The following SEL1L3 variants were observed in gnomAD, a reference collection of about 807,000 sequenced individuals.
SEL1L3 encodes the protein SEL1L family member 3, also known as protein sel-1 homolog 3.
In SEL1L3, 76 loss-of-function variants were observed where a neutral mutation model predicts 142.8. That is an observed-to-expected ratio of 0.53 (90% CI 0.44 to 0.64). The LOEUF (loss-of-function observed/expected upper bound fraction) is 0.64. SEL1L3 is among the 30% of genes least tolerant of loss of function. The pLI, the probability that SEL1L3 is intolerant of heterozygous loss-of-function variation, is 0.00. For synonymous variants in SEL1L3, 504 were observed against 519.6 expected (o/e 0.97, Z 0.41); for missense variants, 1,262 against 1,381.7 (o/e 0.91, Z 1.37).
chr4:25,727,720 G>A, the SEL1L3 span, among the ~76,000 whole-genome samples: 517 of 152,276 alleles, frequency 3.4e-3, 1 homozygote, highest in South Asian at 9.1e-3. Flanking sequence ...TAGGACAGGG[G>A]CTTCACAAAC....
At chr4:25,719,381 A>G in the SEL1L3 span, 4 of 152,140 alleles carry the variant, frequency 2.6e-5, no homozygotes, top group Non-Finnish European at 5.9e-5. Context: ...CGTGGCTTCA[A>G]AGAGGATATA....
chr4:25,844,435 C>T (rs1341795700), intron 2 of SEL1L3, among the ~76,000 whole-genome samples: 1 of 152,168 alleles, frequency 6.6e-6, no homozygotes, highest in Admixed American at 6.5e-5. Context: ...AAAGGGTTTT[C>T]TCTGCGTTAT....
intron 17 of SEL1L3, 72 bp downstream of exon 17, chr4:25,776,205 A>T (rs2109157358): frequency 3.2e-6 from 3 of 938,248 alleles, no homozygotes; most frequent in Non-Finnish European, 5.1e-6. Context: ...GTTGCATTTT[A>T]AGACTCCATT....
chr4:25,720,455 A>G, the SEL1L3 span: 1 of 152,204 alleles, frequency 6.6e-6, no homozygotes, highest in African/African-American at 2.4e-5. Flanking sequence ...ACTGTCTTTC[A>G]GATAGTATCG....
intron 11 of SEL1L3, among the ~76,000 whole-genome samples, chr4:25,798,112 C>T (rs1712910939): frequency 6.6e-6 from 1 of 152,082 alleles, no homozygotes; most frequent in African/African-American, 2.4e-5. Flanking sequence ...GGGGAGGTAG[C>T]AAGGAACCAG....
chr4:25,734,212 T>C, the SEL1L3 span, among the ~76,000 whole-genome samples: 4 of 151,932 alleles, frequency 2.6e-5, no homozygotes, highest in African/African-American at 9.7e-5. Flanking sequence ...TGTTTGTTTG[T>C]TTTTTGTATT....
intron 11 of SEL1L3, among the ~76,000 whole-genome samples, chr4:25,796,913 G>C (rs998418499): frequency 6.6e-6 from 1 of 151,662 alleles, no homozygotes; most frequent in African/African-American, 2.4e-5. Flanking sequence ...AGTGACGCGG[G>C]AAGGACAGGG....
In SEL1L3 at chr4:25,782,450, T is replaced by C. The variant is rs148911697; in HGVS notation, c.2281-32A>G. On this transcript the variant is annotated intron_variant, in intron 14 of 23. Transcript: ENST00000399878. ...TTTGGAACAAGAAAGAAATTAACTT[T>C]AGAAAAATGAAATCTAGAGAGCTCT... The C allele has an allele frequency of 2.5e-6, 4 of 1,595,004 alleles. No individual in the cohort carries two copies. The Admixed American group carries it at 6.9e-5, about 28-fold the overall frequency.
At chr4:25,740,821 T>A in the SEL1L3 span, among the ~76,000 whole-genome samples, 1 of 152,186 alleles carries the variant, frequency 6.6e-6, no homozygotes, top group Non-Finnish European at 1.5e-5. Context: ...AGTCTTGCTC[T>A]GTTGCCAGGC....
intron 1 of SEL1L3, among the ~76,000 whole-genome samples, chr4:25,849,250 A>T (rs568256292): frequency 2.0e-5 from 3 of 152,368 alleles, no homozygotes; most frequent in South Asian, 4.1e-4. Context: ...TCATAACAGC[A>T]TTACTCACGC....
chr4:25,798,199 G>C (rs770727744), intron 11 of SEL1L3, among the ~76,000 whole-genome samples: 4 of 152,164 alleles, frequency 2.6e-5, no homozygotes, highest in African/African-American at 9.7e-5. Flanking sequence ...CCTGGCTGCA[G>C]GGTACAATCC....
intron 23 of SEL1L3, chr4:25,756,659 C>G: frequency 5.8e-6 from 6 of 1,028,836 alleles, no homozygotes; most frequent in Non-Finnish European, 7.0e-6. Flanking sequence ...AGCAGGGCTC[C>G]CTTGTCCTTA....
chr4:25,732,664 G>A, the SEL1L3 span, among the ~76,000 whole-genome samples: 5 of 151,770 alleles, frequency 3.3e-5, no homozygotes, highest in East Asian at 1.9e-4. Flanking sequence ...TTTGCCTCCC[G>A]CCCCACCACA....
Position 25,767,594 on chromosome 4 carries a change from A to G in SEL1L3, c.2776T>C (p.Tyr926His), listed in dbSNP as rs187715517. 1.8e-4 allele frequency: 288 copies of G among 1,599,970 alleles called. No homozygotes were observed. In the African/African-American group the frequency reaches 3.5e-3, roughly 20 times the overall value. The part of the protein sequence containing the change: ...CEERPDLARR[Y>H]LGVNCVWRYY... ...CTCCAAACACAGTTAACACCCAAGT[A>G]TCTCCTGGCCAGGTCCTAAGGGGTA... Residue 926 changes from tyrosine to histidine, a missense_variant, in exon 19 of 24, where the codon TAC becomes CAC. By Grantham distance (83) the Tyr-to-His change is moderately conservative. This residue lies in a region of SEL1L3 where 435 missense variants were observed against 559.2 expected (regional missense o/e 0.78). Transcript: ENST00000399878.
chr4:25,785,262 G>C (rs1711713551), intron 13 of SEL1L3, among the ~76,000 whole-genome samples: 1 of 152,196 alleles, frequency 6.6e-6, no homozygotes, highest in Non-Finnish European at 1.5e-5. Flanking sequence ...TACCGTTCCT[G>C]TGTGAATTAA....
intron 11 of SEL1L3, among the ~76,000 whole-genome samples, chr4:25,797,193 C>CA (rs112741935): frequency 0.33 from 46,107 of 140,628 alleles, 7,539 homozygotes; most frequent in Middle Eastern, 0.4. Flanking sequence ...AAAGGAAGAC[C>CA]AAAAAAAAAA....
At position 25,837,933 on chromosome 4, in the gene SEL1L3, T is replaced by C. The variant is rs188602428; in HGVS notation, c.734-2610A>G. 2.6e-3 allele frequency among the ~76,000 whole-genome samples: 397 copies of C among 152,246 alleles called. 2 individuals are homozygous for C. The highest frequency in any genetic ancestry group is 6.8e-3 in the Middle Eastern group (2 of 294). The stretch of plus-strand genomic sequence containing the variant: ...CATCCACCACTAAATAATTTACAGG[T>C]AGGAAAACTTAGGTCCAAAGAAGTT... On this transcript the variant is annotated intron_variant, in intron 2 of 23. Coordinates refer to ENST00000399878, the MANE Select transcript of SEL1L3 (RefSeq NM_015187.5).
At chr4:25,833,627 T>C in intron 3 of SEL1L3, 58 bp from the exon 4 acceptor site, 2 of 1,480,420 alleles carry the variant, frequency 1.4e-6, no homozygotes, top group Non-Finnish European at 1.8e-6. Flanking sequence ...GAACAGGTAA[T>C]TATGGTTAAC....
intron 17 of SEL1L3, among the ~76,000 whole-genome samples, chr4:25,771,072 C>T (rs1033719936): frequency 1.3e-5 from 2 of 152,272 alleles, no homozygotes; most frequent in African/African-American, 4.8e-5. Flanking sequence ...AGCCTTCTAG[C>T]ACTTTGCTCC....
Sources: gnomAD v4.1 joint callset for allele counts (sites outside exome capture counted in the v4.1 genomes callset) on GRCh38, gnomAD v4.1.1 for gene constraint, gnomAD v4.1.1 regional missense constraint, MANE v1.5 for transcripts, NCBI Gene and HGNC (gene_info 2026-07-23, HGNC 2026-07-21) for gene names.